The following MLANA variants were observed in gnomAD, a reference collection of about 807,000 sequenced individuals.
The protein encoded by MLANA is melanoma antigen recognized by T-cells 1.
MLANA carries 21 observed loss-of-function variants against 15.7 expected under a neutral mutation model. The ratio of observed to expected loss-of-function variants is 1.33; its 90% CI spans 0.95 to 1.92. MLANA has a LOEUF of 1.92. Ranked by LOEUF, MLANA falls within the 40% of genes most tolerant of loss-of-function variation. The probability of loss-of-function intolerance (pLI) is 0.00; values close to 1 mark genes in which losing one functional copy is unlikely to be tolerated. For synonymous variants in MLANA, 56 were observed against 51.5 expected (o/e 1.09, Z -0.37); for missense variants, 164 against 143.8 (o/e 1.14, Z -0.72).
At position 5,908,665 on chromosome 9, in the gene MLANA, A is replaced by T; in HGVS notation, c.314A>T (p.Glu105Val). The T allele has an allele frequency of 1.9e-6, 3 of 1,614,116 alleles. No individual in the cohort carries two copies. The East Asian group carries it at 6.7e-5, about 36-fold the overall frequency. The change falls in exon 5 of 5, where the codon GAG (glutamate) becomes GTG (valine). Residue 105 changes from glutamate to valine, a missense_variant. Glu to Val is a moderately radical substitution (Grantham distance 121, BLOSUM62 -2). Transcript: ENST00000381477. ...PVVPNAPPAY[E>V]KLSAEQSPPP... ...GTTCCCAATGCTCCACCTGCTTATG[A>T]GAAACTCTCTGCAGAACAGTCACCA...
At chr9:5,905,387 G>A (rs1241239281) in intron 3 of MLANA, among the ~76,000 whole-genome samples, 1 of 152,150 alleles carries the variant, frequency 6.6e-6, no homozygotes, top group African/African-American at 2.4e-5. Flanking sequence ...CAACTGACCA[G>A]CATTAATTTT....
intron 2 of MLANA, among the ~76,000 whole-genome samples, chr9:5,896,364 A>G (rs954890361): frequency 6.6e-6 from 1 of 152,274 alleles, no homozygotes; most frequent in Admixed American, 6.5e-5. Flanking sequence ...CAGCTTCCTG[A>G]TCTATAAAGC....
chr9:5,892,131 T>C (rs1024965842), intron 1 of MLANA, among the ~76,000 whole-genome samples: 9 of 152,244 alleles, frequency 5.9e-5, no homozygotes, highest in Admixed American at 5.2e-4. Flanking sequence ...AAGTTTATGG[T>C]GCAGAGTCAA....
chr9:5,898,789 T>C (rs764875345), intron 3 of MLANA: 3 of 152,204 alleles, frequency 2.0e-5, no homozygotes, highest in Non-Finnish European at 4.4e-5. Flanking sequence ...TTCCAAGTTC[T>C]TCTGACTCTA....
chr9:5,905,667 G>C (rs1263104093), intron 3 of MLANA, among the ~76,000 whole-genome samples: 1 of 152,174 alleles, frequency 6.6e-6, no homozygotes, highest in Non-Finnish European at 1.5e-5. Context: ...GCTAACTAAA[G>C]AATACCTAAA....
intron 2 of MLANA, among the ~76,000 whole-genome samples, chr9:5,895,745 G>A (rs1221709529): frequency 1.3e-5 from 2 of 152,328 alleles, no homozygotes; most frequent in South Asian, 2.1e-4. Context: ...TGCATCTCAG[G>A]TGATTCTGCT....
chr9:5,908,068 A>G (rs932103741), intron 4 of MLANA, among the ~76,000 whole-genome samples: 1 of 152,200 alleles, frequency 6.6e-6, no homozygotes, highest in Admixed American at 6.5e-5. Context: ...TCTGGAGCCA[A>G]ATTACTGTGT....
intron 3 of MLANA, among the ~76,000 whole-genome samples, chr9:5,904,832 G>A (rs1832694351): frequency 6.6e-6 from 1 of 151,016 alleles, no homozygotes; most frequent in Admixed American, 6.6e-5. Context: ...GGAGTGCAGT[G>A]GTATGATCTG....
At chr9:5,892,168 T>C (rs1483730340) in intron 1 of MLANA, among the ~76,000 whole-genome samples, 1 of 152,240 alleles carries the variant, frequency 6.6e-6, no homozygotes, top group Non-Finnish European at 1.5e-5. Context: ...GAATATTTTT[T>C]CACCAAATAA....
intron 1 of MLANA, among the ~76,000 whole-genome samples, chr9:5,892,191 C>G (rs1016701057): frequency 6.6e-6 from 1 of 152,154 alleles, no homozygotes; most frequent in Non-Finnish European, 1.5e-5. Flanking sequence ...ACTCAACTTG[C>G]AAGTCTTTTT....
chr9:5,892,230 CTTAA>C (rs1396078636), intron 1 of MLANA, among the ~76,000 whole-genome samples: 1 of 152,102 alleles, frequency 6.6e-6, no homozygotes, highest in African/African-American at 2.4e-5. Flanking sequence ...CTTCTTTGAA[CTTAA>C]TTTTCAGTTA....
chr9:5,893,206 G>A (rs530943886), intron 2 of MLANA, among the ~76,000 whole-genome samples: 2 of 152,320 alleles, frequency 1.3e-5, no homozygotes, highest in East Asian at 1.9e-4. Flanking sequence ...TTCAGCAAAT[G>A]TAAGTGCGGT....
At chr9:5,891,517 T>C (rs531304555) in intron 1 of MLANA, among the ~76,000 whole-genome samples, 1 of 152,306 alleles carries the variant, frequency 6.6e-6, no homozygotes, top group South Asian at 2.1e-4. Flanking sequence ...CCTCTCCCTG[T>C]TGTTTTAAAC....
chr9:5,903,969 T>C (rs1381800264), intron 3 of MLANA, among the ~76,000 whole-genome samples: 2 of 152,150 alleles, frequency 1.3e-5, no homozygotes, highest in Non-Finnish European at 2.9e-5. Flanking sequence ...GTGATTCTCC[T>C]GCCTCAGCCT....
At chr9:5,895,548 C>G (rs1309411917) in intron 2 of MLANA, among the ~76,000 whole-genome samples, 2 of 152,190 alleles carry the variant, frequency 1.3e-5, no homozygotes, top group African/African-American at 4.8e-5. Context: ...CACATCCAGC[C>G]AAGAAGGACT....
At chr9:5,906,845 C>T in intron 3 of MLANA, 40 bp from the exon 4 acceptor site, 1 of 1,322,246 alleles carries the variant, frequency 7.6e-7, no homozygotes, top group Non-Finnish European at 1.0e-6. Flanking sequence ...GATTCAGTTA[C>T]TTCTTCTCAC....
At chr9:5,906,636 T>A (rs1832834208) in intron 3 of MLANA, among the ~76,000 whole-genome samples, 1 of 152,230 alleles carries the variant, frequency 6.6e-6, no homozygotes, top group Admixed American at 6.5e-5. Context: ...AACTATTGGG[T>A]CCCAGGTACT....
intron 2 of MLANA, among the ~76,000 whole-genome samples, 164 bp from the exon 3 acceptor site, chr9:5,897,393 G>C (rs879433994): frequency 2.0e-5 from 3 of 152,226 alleles, no homozygotes; most frequent in African/African-American, 4.8e-5. Flanking sequence ...GGTGCTGGAG[G>C]CCTGGTGGGG....
chr9:5,900,028 T>C (rs538532650), intron 3 of MLANA, among the ~76,000 whole-genome samples: 1 of 152,222 alleles, frequency 6.6e-6, no homozygotes, highest in East Asian at 1.9e-4. Context: ...TATTTGTATA[T>C]CAAAAACAAA....
Sources: gnomAD v4.1 joint callset for allele counts (sites outside exome capture counted in the v4.1 genomes callset) on GRCh38, gnomAD v4.1.1 for gene constraint, MANE v1.5 for transcripts, NCBI Gene and HGNC (gene_info 2026-07-23, HGNC 2026-07-21) for gene names.